The following NOL4 variants were observed in gnomAD, a reference collection of about 807,000 sequenced individuals.
NOL4 encodes the protein nucleolar protein 4, also known as cancer/testis antigen 125.
In NOL4, 17 loss-of-function variants were observed where a neutral mutation model predicts 75.9. The ratio of observed to expected loss-of-function variants is 0.22; its 90% CI spans 0.15 to 0.34. The LOEUF is 0.34. Ranked by LOEUF, NOL4 falls within the 10% of genes least tolerant of loss-of-function variation. NOL4 has a pLI of 1.00. For missense variants in NOL4, 614 were observed against 793.5 expected, an observed-to-expected ratio of 0.77 and a Z score of 2.72; for synonymous variants, 292 against 289.9, an observed-to-expected ratio of 1.01 and a Z score of -0.07.
At chr18:34,138,386 G>A (rs986377605) in intron 1 of NOL4, among the ~76,000 whole-genome samples, 11 of 151,712 alleles carry the variant, frequency 7.3e-5, no homozygotes, top group East Asian at 5.8e-4. Context: ...TTAGCAACAG[G>A]GTGAGAAACT....
intron 9 of NOL4, among the ~76,000 whole-genome samples, chr18:33,930,256 T>C (rs1401340718): frequency 6.6e-6 from 1 of 152,144 alleles, no homozygotes; most frequent in Non-Finnish European, 1.5e-5. Context: ...TCTATGTTTA[T>C]AAAAATATAA....
intron 5 of NOL4, among the ~76,000 whole-genome samples, chr18:34,052,784 A>C (rs1452522433): frequency 1.3e-5 from 2 of 152,198 alleles, no homozygotes; most frequent in East Asian, 3.9e-4. Context: ...CTAGGAGAGA[A>C]CTTTTTCCTG....
At chr18:34,209,568 T>C (rs750507860) in intron 1 of NOL4, among the ~76,000 whole-genome samples, 1 of 152,148 alleles carries the variant, frequency 6.6e-6, no homozygotes, top group South Asian at 2.1e-4. Flanking sequence ...TGCCCTCCTC[T>C]TCTCAACAGC....
chr18:34,013,801 G>A (rs965809104), intron 6 of NOL4, among the ~76,000 whole-genome samples: 4 of 151,886 alleles, frequency 2.6e-5, no homozygotes, highest in African/African-American at 9.7e-5. Flanking sequence ...CTTAATGATA[G>A]AGACTCTTTT....
intron 10 of NOL4, among the ~76,000 whole-genome samples, chr18:33,863,604 C>T (rs1161318018): frequency 7.2e-5 from 11 of 152,164 alleles, no homozygotes; most frequent in Non-Finnish European, 2.9e-5. Flanking sequence ...TCATGTCTCA[C>T]ATCCAGGGCA....
At chr18:34,132,408 G>A (rs1460564779) in intron 1 of NOL4, among the ~76,000 whole-genome samples, 1 of 152,136 alleles carries the variant, frequency 6.6e-6, no homozygotes, top group East Asian at 1.9e-4. Flanking sequence ...CATTTGAAAA[G>A]TTTCACAAGC....
At chr18:34,134,813 T>C (rs1257655571) in intron 1 of NOL4, among the ~76,000 whole-genome samples, 1 of 152,118 alleles carries the variant, frequency 6.6e-6, no homozygotes, top group Non-Finnish European at 1.5e-5. Context: ...CACAAGGATA[T>C]TTGGGAAAAC....
At chr18:34,045,368 A>T (rs1347261422) in intron 5 of NOL4, among the ~76,000 whole-genome samples, 1 of 152,074 alleles carries the variant, frequency 6.6e-6, no homozygotes. Flanking sequence ...TTCCCCAGTT[A>T]TTACCCCTAC....
intron 8 of NOL4, among the ~76,000 whole-genome samples, chr18:33,954,550 G>A (rs542690791): frequency 1.6e-3 from 237 of 151,394 alleles, no homozygotes; most frequent in Non-Finnish European, 2.5e-3. Context: ...TTTTTTTTAG[G>A]AAAAAGGGAT....
intron 1 of NOL4, among the ~76,000 whole-genome samples, chr18:34,158,234 G>A (rs142885600): frequency 1.2e-3 from 184 of 152,278 alleles, no homozygotes; most frequent in African/African-American, 4.3e-3. Flanking sequence ...ACCAACAGTA[G>A]TTCACAGAGC....
At chr18:34,169,724 A>T (rs1006441516) in intron 1 of NOL4, among the ~76,000 whole-genome samples, 4 of 152,136 alleles carry the variant, frequency 2.6e-5, no homozygotes, top group African/African-American at 9.7e-5. Flanking sequence ...TAGAAAATCA[A>T]TTGTCATCCA....
intron 1 of NOL4, among the ~76,000 whole-genome samples, chr18:34,177,070 C>T (rs373076076): frequency 7.5e-4 from 113 of 151,108 alleles, no homozygotes; most frequent in African/African-American, 2.5e-3. Context: ...GACAAATAGG[C>T]GAATGATATG....
chr18:33,859,594 C>A (rs949278036), intron 10 of NOL4, among the ~76,000 whole-genome samples: 1 of 152,030 alleles, frequency 6.6e-6, no homozygotes, highest in Non-Finnish European at 1.5e-5. Context: ...TATTGGGGTA[C>A]ATAGTTGTAT....
At chr18:33,923,904 A>G (rs188325046) in intron 9 of NOL4, among the ~76,000 whole-genome samples, 14 of 152,294 alleles carry the variant, frequency 9.2e-5, no homozygotes, top group African/African-American at 2.9e-4. Flanking sequence ...ATTACCCTAG[A>G]TACATAGTAT....
At chr18:33,986,782 T>C (rs968556338) in intron 6 of NOL4, among the ~76,000 whole-genome samples, 1 of 152,132 alleles carries the variant, frequency 6.6e-6, no homozygotes, top group African/African-American at 2.4e-5. Context: ...CCAAAATAAA[T>C]GAAAACATAA....
chr18:34,097,924 A>G (rs560638459), intron 4 of NOL4, among the ~76,000 whole-genome samples: 46 of 152,348 alleles, frequency 3.0e-4, no homozygotes, highest in Middle Eastern at 6.8e-3. Flanking sequence ...CCTCACCAAC[A>G]GTTTATAAGA....
intron 9 of NOL4, among the ~76,000 whole-genome samples, chr18:33,927,448 A>G (rs1218341738): frequency 4.6e-5 from 7 of 152,154 alleles, no homozygotes; most frequent in Non-Finnish European, 1.0e-4. Flanking sequence ...TCCTCACTGT[A>G]TCTCCTTAAC....
intron 1 of NOL4, among the ~76,000 whole-genome samples, chr18:34,187,983 T>G (rs745620812): frequency 2.6e-5 from 4 of 152,186 alleles, no homozygotes; most frequent in Non-Finnish European, 4.4e-5. Context: ...CGAACATTGG[T>G]ACTGTCAGTG....
chr18:34,164,011 A>G (rs974690562), intron 1 of NOL4, among the ~76,000 whole-genome samples: 1 of 152,192 alleles, frequency 6.6e-6, no homozygotes, highest in Non-Finnish European at 1.5e-5. Context: ...TATTTAATAA[A>G]TGGTGCTGGG....
Sources: allele counts gnomAD v4.1 joint callset (sites outside exome capture counted in the v4.1 genomes callset), GRCh38; gene constraint gnomAD v4.1.1; transcripts MANE v1.5; gene names NCBI Gene and HGNC (gene_info 2026-07-23, HGNC 2026-07-21).